The following CSRNP3 variants were observed in gnomAD, a reference collection of about 807,000 sequenced individuals.
CSRNP3 encodes cysteine/serine-rich nuclear protein 3.
A neutral mutation model predicts 48.0 loss-of-function variants in CSRNP3; 12 were observed. That is an observed-to-expected ratio of 0.25 (90% confidence interval 0.16 to 0.41). The LOEUF (loss-of-function observed/expected upper bound fraction) is 0.41, where lower values mean the gene tolerates loss of function less well. Ranked by LOEUF, CSRNP3 falls within the 10% of genes least tolerant of loss-of-function variation. CSRNP3 has a pLI of 1.00. For synonymous variants in CSRNP3, 263 were observed against 269.7 expected (o/e 0.98, Z 0.24); for missense variants, 580 against 724.4 (o/e 0.80, Z 2.29).
At chr2:165,666,885 AGGAAAGAGAG>A (rs1687225907) in intron 5 of CSRNP3, among the ~76,000 whole-genome samples, 1 of 136,560 alleles carries the variant, frequency 7.3e-6, no homozygotes, top group Non-Finnish European at 1.6e-5. Context: ...GAGAGGAAGA[AGGAAAGAGAG>A]AGAAAAAGGA....
Position 165,682,532 on chromosome 2 carries a change from A to G in CSRNP3, c.*2779A>G, listed in dbSNP as rs2194754. 70,635 of 151,980 alleles carry G rather than the reference A, an allele frequency of 0.46. 16,805 individuals carry two copies. The highest frequency in any genetic ancestry group is 0.5 in the Non-Finnish European group (34,253 of 67,936). The allele number at this position is 151,980 out of a possible 1,614,324, so 9.4% of individuals were successfully genotyped here. On this transcript the variant is annotated 3_prime_UTR_variant, in exon 7 of 7. Transcript: ENST00000651982. ...CCAATAGTCAGTATTGAGTTTTTCTAACCCCAGAATCTGGTTGGGCTTTAT... is the reference window on the plus strand; with the variant it reads ...CCAATAGTCAGTATTGAGTTTTTCTGACCCCAGAATCTGGTTGGGCTTTAT...
At chr2:165,501,815 G>A (rs543058826) in intron 2 of CSRNP3, among the ~76,000 whole-genome samples, 22 of 152,048 alleles carry the variant, frequency 1.4e-4, no homozygotes, top group African/African-American at 4.8e-4. Context: ...TCCTTCAACA[G>A]GTCCAGATTT....
chr2:165,503,193 T>A (rs913193034), intron 2 of CSRNP3, among the ~76,000 whole-genome samples: 1 of 152,000 alleles, frequency 6.6e-6, no homozygotes, highest in African/African-American at 2.4e-5. Context: ...ACACAAATAA[T>A]TGCTCCTAGG....
intron 2 of CSRNP3, among the ~76,000 whole-genome samples, chr2:165,505,305 TA>T (rs1362319752): frequency 6.6e-6 from 1 of 152,112 alleles, no homozygotes; most frequent in Non-Finnish European, 1.5e-5. Context: ...AATAAAAAGA[TA>T]AAGGCATTGC....
At chr2:165,502,073 G>T (rs1684365930) in intron 2 of CSRNP3, among the ~76,000 whole-genome samples, 1 of 151,998 alleles carries the variant, frequency 6.6e-6, no homozygotes, top group Admixed American at 6.6e-5. Flanking sequence ...TTTTAGCTTT[G>T]AGGATGATTT....
In CSRNP3 at chr2:165,564,634, C is replaced by A. The variant is rs1003010212; in HGVS notation, c.-23-30409C>A. Among the ~76,000 whole-genome samples, 3 of 151,680 alleles carry A rather than the reference C, an allele frequency of 2.0e-5. No individual in the cohort carries two copies. The East Asian group carries it at 5.8e-4, about 29-fold the overall frequency. On this transcript the variant is annotated intron_variant, in intron 3 of 6. Coordinates refer to ENST00000651982, the MANE Select transcript of CSRNP3 (RefSeq NM_001172173.2). Reference sequence around the variant, plus strand: ...TTTTTCTATACCTATTAGGTGTCATCGTATTTGTTTGTATTTCTGGCCAAT... The same window carrying A: ...TTTTTCTATACCTATTAGGTGTCATAGTATTTGTTTGTATTTCTGGCCAAT...
chr2:165,592,250 G>A (rs1163287967), intron 3 of CSRNP3, among the ~76,000 whole-genome samples: 6 of 152,226 alleles, frequency 3.9e-5, no homozygotes, highest in African/African-American at 1.2e-4. Flanking sequence ...GCATGGGCCT[G>A]TAGCCCCTTT....
At chr2:165,526,043 A>G (rs974332704) in intron 3 of CSRNP3, among the ~76,000 whole-genome samples, 16 of 152,342 alleles carry the variant, frequency 1.1e-4, no homozygotes, top group Admixed American at 5.9e-4. Flanking sequence ...CAGAAAATCA[A>G]TCACATTTGT....
At chr2:165,661,842 T>C (rs771054464) in intron 5 of CSRNP3, among the ~76,000 whole-genome samples, 2 of 152,252 alleles carry the variant, frequency 1.3e-5, no homozygotes, top group East Asian at 3.9e-4. Context: ...TCCAAACCCA[T>C]CATTATGGAG....
rs928722081 is a variant in CSRNP3 at position 165,689,334 on chromosome 2, G to A, written c.*9581G>A. On this transcript the variant is annotated 3_prime_UTR_variant, in exon 7 of 7. Coordinates refer to ENST00000651982, the MANE Select transcript of CSRNP3 (RefSeq NM_001172173.2). ...TTATTAGTGGCACTTGTATTATGCT[G>A]TACTTTTTATTACATATTGTACAAT... The A allele has an allele frequency of 6.6e-6, 1 of 152,040 alleles. No homozygotes were observed. Among genetic ancestry groups the A allele is most frequent in the African/African-American group, 2.4e-5 (1 of 41,400 alleles). 9.4% of individuals were successfully genotyped at this position (152,040 alleles called of 1,614,324 possible).
intron 5 of CSRNP3, among the ~76,000 whole-genome samples, chr2:165,673,129 C>CTCTTTTT (rs1687357453): frequency 2.3e-5 from 1 of 42,972 alleles, no homozygotes; most frequent in Non-Finnish European, 5.2e-5. Context: ...CAGTATGTAG[C>CTCTTTTT]TCTTTTTTTT....
At position 165,570,339 on chromosome 2, in the gene CSRNP3, A is replaced by C. The variant is rs187124125; in HGVS notation, c.-23-24704A>C. Among the ~76,000 whole-genome samples the C allele has an allele frequency of 3.3e-3, 505 of 152,130 alleles. 2 individuals carry two copies. The highest frequency in any genetic ancestry group is 0.011 in the African/African-American group (471 of 41,548). ...CCATACACTATAGACTTCCCATTGG[A>C]GACTCACAATTTTACTGGCAATGTG... On this transcript the variant is annotated intron_variant, in intron 3 of 6. Coordinates refer to ENST00000651982, the MANE Select transcript of CSRNP3 (RefSeq NM_001172173.2).
chr2:165,500,443 G>GTGTATA (rs1684343968), intron 2 of CSRNP3, among the ~76,000 whole-genome samples: 43 of 142,856 alleles, frequency 3.0e-4, no homozygotes, highest in African/African-American at 9.8e-4. Context: ...ACACACACGT[G>GTGTATA]TATATATATA....
At chr2:165,505,139 G>A (rs1684408967) in intron 2 of CSRNP3, among the ~76,000 whole-genome samples, 2 of 152,062 alleles carry the variant, frequency 1.3e-5, no homozygotes, top group Admixed American at 1.3e-4. Flanking sequence ...CAAACAAAAT[G>A]TTTCTTGACA....
chr2:165,560,801 A>G (rs570033613), intron 3 of CSRNP3, among the ~76,000 whole-genome samples: 1 of 152,322 alleles, frequency 6.6e-6, no homozygotes, highest in South Asian at 2.1e-4. Context: ...GCAGATCCTT[A>G]TGGTAAACCA....
intron 3 of CSRNP3, among the ~76,000 whole-genome samples, chr2:165,529,134 A>C (rs993483124): frequency 6.6e-6 from 1 of 152,200 alleles, no homozygotes; most frequent in African/African-American, 2.4e-5. Context: ...GCAAACTAAA[A>C]TCAGAATGAG....
At chr2:165,644,556 T>A (rs969421904) in intron 4 of CSRNP3, among the ~76,000 whole-genome samples, 4 of 152,180 alleles carry the variant, frequency 2.6e-5, no homozygotes, top group Non-Finnish European at 5.9e-5. Flanking sequence ...TAGTAAGATA[T>A]AGTCCTTGCA....
At chr2:165,636,953 C>G (rs1368544251) in intron 4 of CSRNP3, among the ~76,000 whole-genome samples, 2 of 152,122 alleles carry the variant, frequency 1.3e-5, no homozygotes, top group Admixed American at 6.5e-5. Flanking sequence ...AACCAGCATT[C>G]CTATTCACAA....
chr2:165,474,316 T>A (rs893891194), intron 1 of CSRNP3, among the ~76,000 whole-genome samples: 15 of 152,152 alleles, frequency 9.9e-5, no homozygotes, highest in African/African-American at 3.6e-4. Context: ...TATAGTGTAC[T>A]ACAGCCTCAA....
Sources: gnomAD v4.1 joint callset for allele counts (sites outside exome capture counted in the v4.1 genomes callset) on GRCh38, gnomAD v4.1.1 for gene constraint, MANE v1.5 for transcripts, NCBI Gene and HGNC (gene_info 2026-07-23, HGNC 2026-07-21) for gene names.